Variants in MAP2K5 observed in about 807,000 individuals in gnomAD.
MAP2K5 encodes dual specificity mitogen-activated protein kinase kinase 5.
Under a neutral mutation model 83.1 loss-of-function variants are expected in MAP2K5, and 49 were observed. That is an observed-to-expected ratio of 0.59 (90% CI 0.47 to 0.75). MAP2K5 has a LOEUF of 0.75. MAP2K5 is among the 30% of genes least tolerant of loss of function. The pLI is 0.00. For synonymous variants in MAP2K5, 202 were observed against 191.8 expected, an observed-to-expected ratio of 1.05 and a Z score of -0.44; for missense variants, 457 against 557.5, an observed-to-expected ratio of 0.82 and a Z score of 1.82.
rs531295153 is a variant in MAP2K5, at chr15:67,544,125, C to T, written c.135+655C>T. Reference sequence around the variant, plus strand: ...ATGTTGCCCAGGCTGGTCTTGAACTCCTGCGATTTGCTTGCCTCGGCCTTC... The same window carrying T: ...ATGTTGCCCAGGCTGGTCTTGAACTTCTGCGATTTGCTTGCCTCGGCCTTC... On this transcript the variant is annotated intron_variant, in intron 1 of 21. Transcript: ENST00000178640. Among the ~76,000 whole-genome samples, 13 of 152,306 alleles carry T rather than the reference C, an allele frequency of 8.5e-5. No homozygotes were observed. In the East Asian group the frequency reaches 2.3e-3, roughly 27 times the overall value.
intron 7 of MAP2K5, 28 bp downstream of exon 7, chr15:67,593,002 C>T: frequency 2.8e-6 from 4 of 1,429,236 alleles, no homozygotes; most frequent in Non-Finnish European, 3.9e-6. Context: ...TTAAGATTTT[C>T]ACATAATAAT....
At chr15:67,648,360 G>A (rs2086875621) in intron 11 of MAP2K5, among the ~76,000 whole-genome samples, 1 of 152,040 alleles carries the variant, frequency 6.6e-6, no homozygotes, top group Non-Finnish European at 1.5e-5. Context: ...CCTTTACTTA[G>A]TATAATGTTT....
In MAP2K5 at chr15:67,552,371, A is replaced by G. The variant is rs1302084216; in HGVS notation, c.184+2289A>G. Among the ~76,000 whole-genome samples, 1 of 152,186 alleles carries G rather than the reference A, an allele frequency of 6.6e-6. No individual in the cohort carries two copies. Among genetic ancestry groups the G allele is most frequent in the African/African-American group, 2.4e-5 (1 of 41,448 alleles). ...CATTCGGAGTACTTACTGTTGACAGATGCTTTGCTAAGAGCATTCCATGGG... is the reference window on the plus strand; with the variant it reads ...CATTCGGAGTACTTACTGTTGACAGGTGCTTTGCTAAGAGCATTCCATGGG... On this transcript the variant is annotated intron_variant, in intron 2 of 21. Coordinates refer to ENST00000178640, the MANE Select transcript of MAP2K5 (RefSeq NM_145160.3). This position sits in a 1 kb window ranked among gnomAD's most constrained non-coding sequence, Gnocchi z 4.2.
intron 17 of MAP2K5, among the ~76,000 whole-genome samples, chr15:67,728,577 T>G (rs61023579): frequency 0.019 from 2,853 of 152,172 alleles, 107 homozygotes; most frequent in African/African-American, 0.066. Context: ...ATTCCCCAGT[T>G]TGTGGGGGAA....
rs1161203063 is a variant in MAP2K5 at position 67,702,202 on chromosome 15, C to T, written c.973-1135C>T. 2.6e-5 allele frequency among the ~76,000 whole-genome samples: 4 copies of T among 152,164 alleles called. No homozygotes were observed. The South Asian group carries it at 6.2e-4, about 24-fold the overall frequency. ...CTACTCTGTGCCTCATTTTCCTCAT[C>T]TGTTAAATGGTGATGATAAAATAGT... On this transcript the variant is annotated intron_variant, in intron 15 of 21. Coordinates refer to ENST00000178640, the MANE Select transcript of MAP2K5 (RefSeq NM_145160.3). This position sits in a 1 kb window ranked among gnomAD's most constrained non-coding sequence, Gnocchi z 4.6.
At chr15:67,641,281 G>T (rs1348799672) in intron 9 of MAP2K5, among the ~76,000 whole-genome samples, 1 of 152,086 alleles carries the variant, frequency 6.6e-6, no homozygotes, top group Non-Finnish European at 1.5e-5. Context: ...GCATTTAAAT[G>T]GACCATTTGA....
In MAP2K5 at chr15:67,746,592, C is replaced by T. The variant is rs2089610889; in HGVS notation, c.1075-1639C>T. 6.6e-6 allele frequency among the ~76,000 whole-genome samples: 1 copy of T among 152,070 alleles called. No homozygotes were observed. Among genetic ancestry groups the T allele is most frequent in the Non-Finnish European group, 1.5e-5 (1 of 68,028 alleles). On this transcript the variant is annotated intron_variant, in intron 17 of 21. Coordinates refer to ENST00000178640, the MANE Select transcript of MAP2K5 (RefSeq NM_145160.3). The surrounding 1 kb of genome is among the most constrained non-coding windows in gnomAD (Gnocchi z 4.1). ...CACTTCCGGGTGGTGGTTACAGCTC[C>T]GCCTTCCCTTGTAATGTAAATCTTT...
intron 6 of MAP2K5, among the ~76,000 whole-genome samples, chr15:67,588,670 T>C (rs1298962757): frequency 6.6e-6 from 1 of 152,240 alleles, no homozygotes; most frequent in East Asian, 1.9e-4. Flanking sequence ...ACCTCTGGAC[T>C]AAATTCTCCC....
chr15:67,757,820 T>A lies in MAP2K5; in HGVS notation c.1134+9219T>A, dbSNP rs1294488957. On this transcript the variant is annotated intron_variant, in intron 19 of 21. Coordinates refer to ENST00000178640, the MANE Select transcript of MAP2K5 (RefSeq NM_145160.3). The surrounding 1 kb of genome is among the most constrained non-coding windows in gnomAD (Gnocchi z 4.9). Reference sequence around the variant, plus strand: ...TAATGATGTTTGTAGCCATATAAATTCTATAATTAAAGTGTGGCCAAGGTG... The same window carrying A: ...TAATGATGTTTGTAGCCATATAAATACTATAATTAAAGTGTGGCCAAGGTG... Among the ~76,000 whole-genome samples the A allele has an allele frequency of 4.6e-5, 7 of 152,012 alleles. No individual in the cohort carries two copies. Among genetic ancestry groups the A allele is most frequent in the African/African-American group, 1.7e-4 (7 of 41,378 alleles).
intron 13 of MAP2K5, 102 bp downstream of exon 13, chr15:67,664,747 G>T (rs1396628441): frequency 8.6e-6 from 6 of 700,884 alleles, no homozygotes; most frequent in Admixed American, 2.5e-5. Context: ...TAAGCCAGCT[G>T]ATACATCTGG....
At position 67,807,103 on chromosome 15, in the gene MAP2K5, T is replaced by A. The variant is rs932386170; in HGVS notation, c.*353T>A. ...TCACTGATGGGAATAAAAGTATTAA[T>A]GCTTTGTGACAGCCTCTGCCATAAG... On this transcript the variant is annotated 3_prime_UTR_variant, in exon 22 of 22. Coordinates refer to ENST00000178640, the MANE Select transcript of MAP2K5 (RefSeq NM_145160.3). The surrounding 1 kb of genome is among the most constrained non-coding windows in gnomAD (Gnocchi z 5.1). 5.0e-6 allele frequency: 3 copies of A among 599,072 alleles called. No homozygotes were observed. The highest frequency in any genetic ancestry group is 7.6e-6 in the Non-Finnish European group (3 of 396,056). The allele number at this position is 599,072 out of a possible 1,614,324, so 37.1% of individuals were successfully genotyped here.
At chr15:67,635,319 C>T (rs534891207) in intron 9 of MAP2K5, among the ~76,000 whole-genome samples, 30 of 151,640 alleles carry the variant, frequency 2.0e-4, no homozygotes, top group South Asian at 8.3e-4. Context: ...GGACTACAGG[C>T]GCCTGCCACC....
At chr15:67,550,751 A>G (rs1184571691) in intron 2 of MAP2K5, among the ~76,000 whole-genome samples, 1 of 147,108 alleles carries the variant, frequency 6.8e-6, no homozygotes, top group East Asian at 2.0e-4. Context: ...GATGAGGGCT[A>G]CTTTTTTCTT....
chr15:67,802,767 G>A lies in MAP2K5; in HGVS notation c.1243-3879G>A, dbSNP rs555107940. On this transcript the variant is annotated intron_variant, in intron 21 of 21. Coordinates refer to ENST00000178640, the MANE Select transcript of MAP2K5 (RefSeq NM_145160.3). This position sits in a 1 kb window ranked among gnomAD's most constrained non-coding sequence, Gnocchi z 5.0. ...CATCTGTATTGGTGCCTGGGTTCCAGGGAGCTGCACCATGCCGCGCTTCCA... is the reference window on the plus strand; with the variant it reads ...CATCTGTATTGGTGCCTGGGTTCCAAGGAGCTGCACCATGCCGCGCTTCCA... Among the ~76,000 whole-genome samples, 1 of 152,362 alleles carries A rather than the reference G, an allele frequency of 6.6e-6. No homozygotes were observed. Among genetic ancestry groups the A allele is most frequent in the East Asian group, 1.9e-4 (1 of 5,186 alleles).
At chr15:67,605,662 T>G (rs1339340764) in intron 8 of MAP2K5, among the ~76,000 whole-genome samples, 1 of 152,170 alleles carries the variant, frequency 6.6e-6, no homozygotes, top group African/African-American at 2.4e-5. Flanking sequence ...TATACAGCAT[T>G]TCTTTTCTTT....
At chr15:67,613,401 G>A (rs947325510) in intron 8 of MAP2K5, among the ~76,000 whole-genome samples, 2 of 152,116 alleles carry the variant, frequency 1.3e-5, no homozygotes, top group Admixed American at 6.6e-5. Flanking sequence ...GTTTCATTCG[G>A]TCAGAGAGAT....
rs745519426 is a variant in MAP2K5, at chr15:67,693,553, A to G, written c.957A>G (p.Thr319=). Residue 319 remains threonine, a synonymous_variant, in exon 15 of 22, where the codon ACA becomes ACG. Transcript: ENST00000178640. ...VNSIAKTYVG[T]NAYMAPERIS... Reference sequence around the variant, plus strand: ...CTATAGCCAAGACGTATGTTGGAACAAATGCTTATATGGCGGTAAGTAAAC... The same window carrying G: ...CTATAGCCAAGACGTATGTTGGAACGAATGCTTATATGGCGGTAAGTAAAC... 6.2e-7 allele frequency: 1 copy of G among 1,612,020 alleles called. No individual in the cohort carries two copies. The highest frequency in any genetic ancestry group is 1.1e-5 in the South Asian group (1 of 90,932).
At position 67,720,470 on chromosome 15, in the gene MAP2K5, C is replaced by T. The variant is rs1287904949; in HGVS notation, c.1045-7446C>T. Among the ~76,000 whole-genome samples the T allele has an allele frequency of 3.9e-5, 6 of 152,080 alleles. No homozygotes were observed. The highest frequency in any genetic ancestry group is 1.5e-5 in the Non-Finnish European group (1 of 68,022). On this transcript the variant is annotated intron_variant, in intron 16 of 21. Transcript: ENST00000178640. This position sits in a 1 kb window ranked among gnomAD's most constrained non-coding sequence, Gnocchi z 5.7. ...CAGCAGGGTTAGAAAGACCAAGAAA[C>T]ATTTAAAGATTCAAAACAATAGCAT...
At position 67,587,041 on chromosome 15, in the gene MAP2K5, G is replaced by A; in HGVS notation, c.431+128G>A. The A allele has an allele frequency of 1.2e-6, 1 of 856,826 alleles. No individual in the cohort carries two copies. Among genetic ancestry groups the A allele is most frequent in the Non-Finnish European group, 2.0e-6 (1 of 503,688 alleles). 53.1% of individuals were successfully genotyped at this position (856,826 alleles called of 1,614,324 possible). On this transcript the variant is annotated intron_variant, in intron 6 of 21. Coordinates refer to ENST00000178640, the MANE Select transcript of MAP2K5 (RefSeq NM_145160.3). This position sits in a 1 kb window ranked among gnomAD's most constrained non-coding sequence, Gnocchi z 4.8. ...AGCTACGTATTGACCAAAGAGAAAGGACCTCATATGGAAAGATGAATGTTT... is the reference window on the plus strand; with the variant it reads ...AGCTACGTATTGACCAAAGAGAAAGAACCTCATATGGAAAGATGAATGTTT...
Sources: gnomAD v4.1 joint callset for allele counts (sites outside exome capture counted in the v4.1 genomes callset) on GRCh38, gnomAD v4.1.1 for gene constraint, Gnocchi (gnomAD v3.1) non-coding constraint, MANE v1.5 for transcripts, NCBI Gene and HGNC (gene_info 2026-07-23, HGNC 2026-07-21) for gene names.